ROBO2: variants seen among roughly 807,000 people sequenced by gnomAD.
The protein encoded by ROBO2 is roundabout homolog 2.
Under a neutral mutation model 160.8 loss-of-function variants are expected in ROBO2, and 53 were observed. The observed-to-expected ratio is 0.33, with a 90% CI of 0.26 to 0.41. The LOEUF (loss-of-function observed/expected upper bound fraction) is 0.41, where lower values mean the gene tolerates loss of function less well. Ranked by LOEUF, ROBO2 falls within the 10% of genes least tolerant of loss-of-function variation. ROBO2 has a pLI of 1.00. For missense variants in ROBO2, 1,577 were observed against 1,722.4 expected (o/e 0.92, Z 1.49); for synonymous variants, 664 against 611.7 (o/e 1.09, Z -1.26).
At chr3:77,450,006 A>C (rs1457858038) in intron 2 of ROBO2, among the ~76,000 whole-genome samples, 15 of 150,724 alleles carry the variant, frequency 1.0e-4, no homozygotes, top group Admixed American at 6.6e-5. Context: ...TAGCAAAATA[A>C]AAATCTGTGT....
chr3:76,030,722 C>T (rs950542211), intron 2 of ROBO2, among the ~76,000 whole-genome samples: 1 of 152,122 alleles, frequency 6.6e-6, no homozygotes, highest in Admixed American at 6.5e-5. Context: ...TTCCATTGTT[C>T]TATGTATCTG....
At chr3:77,345,442 A>G (rs186920979) in intron 2 of ROBO2, among the ~76,000 whole-genome samples, 119 of 152,254 alleles carry the variant, frequency 7.8e-4, no homozygotes, top group Non-Finnish European at 1.4e-3. Flanking sequence ...GGAGATGGAG[A>G]TAATTGGTGG....
intron 2 of ROBO2, among the ~76,000 whole-genome samples, chr3:76,222,564 C>T (rs1704036594): frequency 6.6e-6 from 1 of 151,642 alleles, no homozygotes; most frequent in Non-Finnish European, 1.5e-5. Context: ...TTCCCTGGCA[C>T]TGTCTGTGAC....
chr3:75,930,134 C>T (rs868842401), intron 1 of ROBO2, among the ~76,000 whole-genome samples: 3 of 152,138 alleles, frequency 2.0e-5, no homozygotes, highest in Non-Finnish European at 4.4e-5. Context: ...TCTTTATTTC[C>T]ATTACTTTTT....
chr3:76,429,818 G>A (rs1177281304), intron 2 of ROBO2, among the ~76,000 whole-genome samples: 7 of 152,106 alleles, frequency 4.6e-5, no homozygotes, highest in Non-Finnish European at 1.0e-4. Context: ...CTGCTAACAT[G>A]GCATCTTGCC....
At chr3:76,809,607 A>C in intron 2 of ROBO2, among the ~76,000 whole-genome samples, 1 of 152,184 alleles carries the variant, frequency 6.6e-6, no homozygotes, top group East Asian at 1.9e-4. Context: ...AAATATTGGT[A>C]TCGCCTTAGG....
At chr3:76,606,938 T>A (rs2087709552) in intron 2 of ROBO2, among the ~76,000 whole-genome samples, 1 of 152,212 alleles carries the variant, frequency 6.6e-6, no homozygotes, top group Non-Finnish European at 1.5e-5. Context: ...TTTTTCATGA[T>A]TTTACATATG....
intron 5 of ROBO2, among the ~76,000 whole-genome samples, chr3:77,519,999 T>A (rs2090431192): frequency 6.6e-6 from 1 of 151,494 alleles, no homozygotes; most frequent in Non-Finnish European, 1.5e-5. Flanking sequence ...GGTATCTCAT[T>A]GTGGTTTTGA....
chr3:77,354,637 C>G (rs1454176796), intron 2 of ROBO2, among the ~76,000 whole-genome samples: 2 of 152,140 alleles, frequency 1.3e-5, no homozygotes, highest in African/African-American at 4.8e-5. Flanking sequence ...AAGGTGTTAT[C>G]TGAATCAGAA....
At chr3:76,421,697 G>C (rs2108930094) in intron 2 of ROBO2, among the ~76,000 whole-genome samples, 1 of 150,274 alleles carries the variant, frequency 6.7e-6, no homozygotes, top group East Asian at 2.0e-4. Flanking sequence ...TTACACTTCA[G>C]TCTGGGCAAC....
At chr3:76,076,065 G>T (rs2068635966) in intron 2 of ROBO2, among the ~76,000 whole-genome samples, 1 of 152,156 alleles carries the variant, frequency 6.6e-6, no homozygotes, top group Non-Finnish European at 1.5e-5. Context: ...ATGCTCACAT[G>T]TACATTTGAC....
intron 2 of ROBO2, among the ~76,000 whole-genome samples, chr3:76,519,636 G>A (rs369266145): frequency 3.3e-5 from 5 of 152,088 alleles, no homozygotes; most frequent in African/African-American, 1.2e-4. Context: ...TTGTATACCC[G>A]GGGATTTGCA....
intron 2 of ROBO2, among the ~76,000 whole-genome samples, chr3:76,344,043 T>A (rs1457957963): frequency 6.6e-6 from 1 of 152,144 alleles, no homozygotes; most frequent in African/African-American, 2.4e-5. Context: ...TTTCTCTTTG[T>A]ATAAAAGTAT....
At chr3:77,263,254 TTTTTAAG>T (rs1404166348) in intron 2 of ROBO2, among the ~76,000 whole-genome samples, 3 of 152,226 alleles carry the variant, frequency 2.0e-5, no homozygotes, top group African/African-American at 7.2e-5. Context: ...TATTTTAATA[TTTTTAAG>T]TTTTATTTTA....
intron 2 of ROBO2, among the ~76,000 whole-genome samples, chr3:76,372,710 A>T (rs760673903): frequency 1.3e-4 from 20 of 151,876 alleles, no homozygotes; most frequent in Non-Finnish European, 2.5e-4. Context: ...GTGGGATGAG[A>T]CCAATGCTTG....
At chr3:77,457,810 T>C (rs946995824) in intron 2 of ROBO2, among the ~76,000 whole-genome samples, 3 of 151,966 alleles carry the variant, frequency 2.0e-5, no homozygotes, top group African/African-American at 7.2e-5. Flanking sequence ...AAATAGTATT[T>C]GTTAAATATT....
At chr3:76,741,211 T>G (rs34708983) in intron 2 of ROBO2, among the ~76,000 whole-genome samples, 4,528 of 152,108 alleles carry the variant, frequency 0.03, 81 homozygotes, top group Non-Finnish European at 0.048. Context: ...TACTGTTTCC[T>G]GCTGTGTTTA....
intron 2 of ROBO2, among the ~76,000 whole-genome samples, chr3:76,064,304 G>A (rs2068171730): frequency 6.6e-6 from 1 of 152,118 alleles, no homozygotes. Context: ...ATATTATGAA[G>A]GTTACACAGC....
intron 2 of ROBO2, among the ~76,000 whole-genome samples, chr3:76,714,927 A>T (rs553116313): frequency 2.6e-5 from 4 of 152,244 alleles, no homozygotes; most frequent in African/African-American, 9.6e-5. Context: ...AAGAGGAGTA[A>T]CTTCTCATCC....
Sources: gnomAD v4.1 joint callset for allele counts (sites outside exome capture counted in the v4.1 genomes callset) on GRCh38, gnomAD v4.1.1 for gene constraint, MANE v1.5 for transcripts, NCBI Gene and HGNC (gene_info 2026-07-23, HGNC 2026-07-21) for gene names.